RMDN2: variants seen among roughly 807,000 people sequenced by gnomAD.
RMDN2 encodes the protein regulator of microtubule dynamics protein 2.
RMDN2 carries 61 observed loss-of-function variants against 52.8 expected under a neutral mutation model. The ratio of observed to expected loss-of-function variants is 1.16; its 90% CI spans 0.94 to 1.43. RMDN2 has a LOEUF of 1.43. RMDN2 is among the 40% of genes most tolerant of loss of function. The pLI is 0.00. For missense variants in RMDN2, 592 were observed against 475.3 expected (o/e 1.25, Z -2.28); for synonymous variants, 180 against 153.1 (o/e 1.18, Z -1.30).
intron 10 of RMDN2, among the ~76,000 whole-genome samples, chr2:38,043,887 A>G (rs778479936): frequency 2.6e-5 from 4 of 152,070 alleles, no homozygotes; most frequent in African/African-American, 9.7e-5. Flanking sequence ...ATAGTTATCT[A>G]TTAGATAATT....
chr2:38,056,131 G>A (rs1681847486), intron 10 of RMDN2, among the ~76,000 whole-genome samples: 2 of 152,132 alleles, frequency 1.3e-5, no homozygotes, highest in Admixed American at 1.3e-4. Context: ...CATAGGACGG[G>A]GCAGCACTGT....
At chr2:38,003,105 A>C (rs1243332574) in intron 8 of RMDN2, 1 of 152,244 alleles carries the variant, frequency 6.6e-6, no homozygotes, top group East Asian at 1.9e-4. Flanking sequence ...TGGATGTTTC[A>C]AGGATCTGTC....
chr2:37,989,690 G>A (rs960478092), intron 6 of RMDN2, 74 bp downstream of exon 6: 2 of 999,360 alleles, frequency 2.0e-6, no homozygotes, highest in Non-Finnish European at 3.0e-6. Context: ...TAATAAAAAT[G>A]TTTTAATGTA....
At chr2:37,952,392 G>T in intron 2 of RMDN2, 2 of 557,086 alleles carry the variant, frequency 3.6e-6, no homozygotes, top group South Asian at 3.1e-5. Context: ...GTTTACTGAT[G>T]TTATTGGAGT....
At position 38,017,346 on chromosome 2, in the gene RMDN2, T is replaced by C. The variant is rs2125249778; in HGVS notation, c.*107T>C. On this transcript the variant is annotated 3_prime_UTR_variant, in exon 11 of 11. Transcript: ENST00000354545. The stretch of plus-strand genomic sequence containing the variant: ...ATTTTTGATGTAAGGGTATTGTGCT[T>C]AGATTTGAAGGTAAAGCCATGTTTC... 1 of 1,410,906 alleles carries C rather than the reference T, an allele frequency of 7.1e-7. No homozygotes were observed. Among genetic ancestry groups the C allele is most frequent in the Admixed American group, 3.0e-5 (1 of 33,282 alleles). The allele number at this position is 1,410,906 out of a possible 1,614,324, so 87.4% of individuals were successfully genotyped here. A position where few individuals can be genotyped will look rare whatever the true frequency, so the allele number is the denominator to read the frequency against.
chr2:38,064,097 T>C (rs1682169619), intron 10 of RMDN2, among the ~76,000 whole-genome samples: 1 of 152,176 alleles, frequency 6.6e-6, no homozygotes, highest in Non-Finnish European at 1.5e-5. Flanking sequence ...TGTGAGGCTA[T>C]GGTTTAAAAA....
intron 1 of RMDN2, among the ~76,000 whole-genome samples, chr2:37,927,204 C>G (rs368056148): frequency 1.3e-5 from 2 of 152,206 alleles, no homozygotes; most frequent in African/African-American, 2.4e-5. Flanking sequence ...TTGAGCATCT[C>G]TGTTCAGTCA....
rs750709080 is a variant in RMDN2 at position 37,981,289 on chromosome 2, C to G, written c.737C>G (p.Thr246Ser). The G allele has an allele frequency of 2.5e-6, 4 of 1,593,740 alleles. No individual in the cohort carries two copies. Among genetic ancestry groups the G allele is most frequent in the Admixed American group, 3.3e-5 (2 of 59,948 alleles). The stretch of plus-strand genomic sequence containing the variant: ...AAGTACTTTTATCTTTCAGGAAAAA[C>G]TTTAAGTGAAAGAGCTATTAATAGA... ...EKKHYANIGK[T>S]LSERAINRAP... is the part of the protein sequence containing the mutation. The change falls in exon 5 of 11, where the codon ACT (threonine) becomes AGT (serine). Residue 246 changes from threonine to serine, a missense_variant. By Grantham distance (58) the Thr-to-Ser change is moderately conservative. Coordinates refer to ENST00000354545, the MANE Select transcript of RMDN2 (RefSeq NM_001170791.3).
At chr2:37,956,767 A>G (rs1013552417) in intron 2 of RMDN2, among the ~76,000 whole-genome samples, 1 of 151,904 alleles carries the variant, frequency 6.6e-6, no homozygotes, top group African/African-American at 2.4e-5. Context: ...TCAACCCGTC[A>G]TCTATGTTAG....
intron 10 of RMDN2, among the ~76,000 whole-genome samples, chr2:38,011,585 C>A (rs755497436): frequency 6.6e-6 from 1 of 152,132 alleles, no homozygotes; most frequent in Non-Finnish European, 1.5e-5. Flanking sequence ...TTCTAGGAGC[C>A]TATAGCCTAG....
At chr2:38,044,462 A>G (rs1035757647) in intron 10 of RMDN2, among the ~76,000 whole-genome samples, 1 of 151,998 alleles carries the variant, frequency 6.6e-6, no homozygotes, top group Non-Finnish European at 1.5e-5. Flanking sequence ...CTTCAAATAT[A>G]TCTTCTGCCC....
intron 5 of RMDN2, among the ~76,000 whole-genome samples, chr2:37,984,595 G>T (rs1194725738): frequency 6.6e-6 from 1 of 152,176 alleles, no homozygotes; most frequent in Non-Finnish European, 1.5e-5. Flanking sequence ...ACAGTATGCT[G>T]CCTCTGCTTT....
At chr2:37,987,002 T>C in intron 5 of RMDN2, among the ~76,000 whole-genome samples, 1 of 151,236 alleles carries the variant, frequency 6.6e-6, no homozygotes, top group Non-Finnish European at 1.5e-5. Context: ...GAAAAGAAAA[T>C]AAAAGGTATG....
At chr2:37,963,189 G>A (rs1369002014) in intron 2 of RMDN2, 2 of 152,348 alleles carry the variant, frequency 1.3e-5, no homozygotes, top group Non-Finnish European at 2.9e-5. Context: ...TTCAAATCTA[G>A]GGCTCTGTGA....
intron 5 of RMDN2, among the ~76,000 whole-genome samples, chr2:37,985,910 A>G (rs986461260): frequency 4.6e-5 from 7 of 152,168 alleles, no homozygotes; most frequent in African/African-American, 1.4e-4. Context: ...TCATTGTGAC[A>G]ATTTTGTATC....
intron 2 of RMDN2, among the ~76,000 whole-genome samples, chr2:37,946,613 G>A (rs1412585209): frequency 1.3e-5 from 2 of 152,210 alleles, no homozygotes; most frequent in Non-Finnish European, 2.9e-5. Context: ...GTGGAGAGTA[G>A]AAGAGGGAAT....
At chr2:37,924,531 A>AT (rs770170620), upstream of RMDN2, among the ~76,000 whole-genome samples, 234 of 152,204 alleles carry the variant, frequency 1.5e-3, 4 homozygotes, top group Non-Finnish European at 1.6e-3. Flanking sequence ...CGCCCGGCTA[A>AT]TTTTTTGTAT....
chr2:38,010,688 G>T (rs979846189), intron 10 of RMDN2, among the ~76,000 whole-genome samples: 2 of 152,120 alleles, frequency 1.3e-5, no homozygotes, highest in Non-Finnish European at 2.9e-5. Context: ...CCCAGCTTCG[G>T]CTCATGCTCG....
At chr2:37,955,409 T>C (rs1192053690) in intron 2 of RMDN2, among the ~76,000 whole-genome samples, 1 of 152,202 alleles carries the variant, frequency 6.6e-6, no homozygotes, top group Non-Finnish European at 1.5e-5. Context: ...AAAAAGGTGA[T>C]AAATTTTGTC....
Sources: gnomAD v4.1 joint callset for allele counts (sites outside exome capture counted in the v4.1 genomes callset) on GRCh38, gnomAD v4.1.1 for gene constraint, MANE v1.5 for transcripts, NCBI Gene and HGNC (gene_info 2026-07-23, HGNC 2026-07-21) for gene names.